GPR158: variants seen among roughly 807,000 people sequenced by gnomAD.
GPR158 encodes metabotropic glycine receptor.
In GPR158, 30 loss-of-function variants were observed where a neutral mutation model predicts 78.2. The observed-to-expected ratio is 0.38, with a 90% CI of 0.29 to 0.52. GPR158 has a LOEUF of 0.52. Among genes scored for constraint, GPR158 ranks in the 20% least tolerant of loss-of-function variants. The probability of loss-of-function intolerance (pLI) is 0.83; values close to 1 mark genes in which losing one functional copy is unlikely to be tolerated. For synonymous variants in GPR158, 581 were observed against 591.1 expected (o/e 0.98, Z 0.25); for missense variants, 1,463 against 1,523.5 (o/e 0.96, Z 0.66).
intron 5 of GPR158, among the ~76,000 whole-genome samples, chr10:25,520,686 GGGGGTCA>G (rs1564478149): frequency 6.6e-6 from 1 of 151,948 alleles, no homozygotes; most frequent in Non-Finnish European, 1.5e-5. Flanking sequence ...TAGGCTGCTC[GGGGGTCA>G]GGGGTCAGGG....
At chr10:25,383,179 C>T (rs1834179761) in intron 2 of GPR158, among the ~76,000 whole-genome samples, 1 of 152,190 alleles carries the variant, frequency 6.6e-6, no homozygotes. Flanking sequence ...TCATAAGTTA[C>T]AAAGAAGGAG....
intron 2 of GPR158, among the ~76,000 whole-genome samples, chr10:25,362,562 A>G (rs557228070): frequency 6.6e-6 from 1 of 151,976 alleles, no homozygotes; most frequent in East Asian, 2.0e-4. Context: ...TCATAATGTT[A>G]ATTTTTCAAT....
At chr10:25,339,111 A>G (rs558315041) in intron 2 of GPR158, among the ~76,000 whole-genome samples, 2 of 151,014 alleles carry the variant, frequency 1.3e-5, no homozygotes, top group Admixed American at 1.3e-4. Flanking sequence ...CAGTCTTCCA[A>G]GTACCTGGGA....
chr10:25,201,280 G>T (rs147196684), intron 1 of GPR158, among the ~76,000 whole-genome samples: 3 of 152,158 alleles, frequency 2.0e-5, no homozygotes, highest in Admixed American at 1.3e-4. Context: ...GAATGGGATA[G>T]TGTTTCTGAT....
At chr10:25,195,304 C>T (rs1264959436) in intron 1 of GPR158, among the ~76,000 whole-genome samples, 1 of 151,860 alleles carries the variant, frequency 6.6e-6, no homozygotes, top group Non-Finnish European at 1.5e-5. Context: ...CTCCTGGGTT[C>T]AAGCAAGTCT....
chr10:25,198,374 A>G (rs1852871553), intron 1 of GPR158, among the ~76,000 whole-genome samples: 1 of 152,198 alleles, frequency 6.6e-6, no homozygotes, highest in Non-Finnish European at 1.5e-5. Context: ...TCTGCTGCAA[A>G]GTGGTGTGGG....
chr10:25,572,645 C>G lies in GPR158; in HGVS notation c.1515-4C>G. 1 of 1,587,690 alleles carries G rather than the reference C, an allele frequency of 6.3e-7. No homozygotes were observed. Among genetic ancestry groups the G allele is most frequent in the Middle Eastern group, 1.7e-4 (1 of 6,012 alleles). On this transcript the variant is annotated splice_region_variant and splice_polypyrimidine_tract_variant and intron_variant, in intron 6 of 10. Transcript: ENST00000376351. Reference sequence around the variant, plus strand: ...CTTTCACATTTGAACTTTTGCTTTTCTAGGGTTTTGAAGGTGTTTCTTTCA... The same window carrying G: ...CTTTCACATTTGAACTTTTGCTTTTGTAGGGTTTTGAAGGTGTTTCTTTCA...
intron 2 of GPR158, among the ~76,000 whole-genome samples, chr10:25,222,116 G>A (rs1853306853): frequency 6.6e-6 from 1 of 152,036 alleles, no homozygotes; most frequent in African/African-American, 2.4e-5. Context: ...AGGTATACAT[G>A]CATGCATATA....
chr10:25,490,657 G>A (rs982943445), intron 5 of GPR158, among the ~76,000 whole-genome samples: 2 of 149,134 alleles, frequency 1.3e-5, no homozygotes, highest in Non-Finnish European at 3.0e-5. Flanking sequence ...ATTCCGTGGT[G>A]TATATGTGCC....
intron 2 of GPR158, among the ~76,000 whole-genome samples, chr10:25,274,042 G>T (rs912451921): frequency 2.0e-4 from 30 of 152,154 alleles, no homozygotes; most frequent in Non-Finnish European, 7.4e-5. Flanking sequence ...AAAGAGACAA[G>T]TTGGCAGTGC....
intron 3 of GPR158, among the ~76,000 whole-genome samples, chr10:25,400,885 T>A (rs749007573): frequency 6.6e-5 from 10 of 152,106 alleles, no homozygotes; most frequent in Admixed American, 5.2e-4. Flanking sequence ...CTAACTCTAG[T>A]GCTATTGATA....
chr10:25,274,391 A>G (rs545229977), intron 2 of GPR158, among the ~76,000 whole-genome samples: 1 of 152,334 alleles, frequency 6.6e-6, no homozygotes, highest in African/African-American at 2.4e-5. Context: ...TATAAAAAGA[A>G]CATAAAAGTG....
chr10:25,203,494 C>T (rs1385493336), intron 1 of GPR158, among the ~76,000 whole-genome samples: 1 of 151,824 alleles, frequency 6.6e-6, no homozygotes, highest in Non-Finnish European at 1.5e-5. Context: ...TTCCCAGCAC[C>T]ATTTATTAAA....
At chr10:25,579,423 G>A (rs1254916700) in intron 7 of GPR158, among the ~76,000 whole-genome samples, 2 of 152,156 alleles carry the variant, frequency 1.3e-5, no homozygotes, top group Non-Finnish European at 1.5e-5. Context: ...AGGTCCTCCA[G>A]TATGGGGGAC....
In GPR158 at chr10:25,370,260, A is replaced by C. The variant is rs1306368229; in HGVS notation, c.1009-25651A>C. On this transcript the variant is annotated intron_variant, in intron 2 of 10. Transcript: ENST00000376351. Reference sequence around the variant, plus strand: ...TTCTAGTTCTTTTAATTGTGATGTTAGGGTGTCAATTATGGATCTTTCCTG... The same window carrying C: ...TTCTAGTTCTTTTAATTGTGATGTTCGGGTGTCAATTATGGATCTTTCCTG... Among the ~76,000 whole-genome samples, 34 of 147,020 alleles carry C rather than the reference A, an allele frequency of 2.3e-4. No individual in the cohort carries two copies. In the East Asian group the frequency reaches 2.6e-3, roughly 11 times the overall value.
chr10:25,237,035 A>G (rs770935719), intron 2 of GPR158, among the ~76,000 whole-genome samples: 3 of 152,222 alleles, frequency 2.0e-5, no homozygotes, highest in Non-Finnish European at 2.9e-5. Flanking sequence ...TAGATTACCT[A>G]TCAATTAATA....
intron 5 of GPR158, among the ~76,000 whole-genome samples, 200 bp downstream of exon 5, chr10:25,466,919 A>G (rs1588876683): frequency 6.6e-6 from 1 of 152,298 alleles, no homozygotes; most frequent in African/African-American, 2.4e-5. Context: ...TTATTGAAGG[A>G]AGTTGTTGAT....
At chr10:25,429,102 C>A (rs184989836) in intron 4 of GPR158, among the ~76,000 whole-genome samples, 215 of 152,090 alleles carry the variant, frequency 1.4e-3, no homozygotes, top group Middle Eastern at 0.01. Context: ...AATACTATAT[C>A]TGTCCAAGAT....
intron 5 of GPR158, among the ~76,000 whole-genome samples, chr10:25,534,287 T>C (rs1391737899): frequency 6.6e-6 from 1 of 152,184 alleles, no homozygotes; most frequent in African/African-American, 2.4e-5. Context: ...TGCCAGGTTT[T>C]ACCTGACATC....
Sources: allele counts gnomAD v4.1 joint callset (sites outside exome capture counted in the v4.1 genomes callset), GRCh38; gene constraint gnomAD v4.1.1; transcripts MANE v1.5; gene names NCBI Gene and HGNC (gene_info 2026-07-23, HGNC 2026-07-21).